DENND1A: variants seen among roughly 807,000 people sequenced by gnomAD.
DENND1A encodes DENN domain-containing protein 1A.
A neutral mutation model predicts 113.7 loss-of-function variants in DENND1A; 51 were observed. The observed-to-expected ratio is 0.45, with a 90% CI of 0.36 to 0.57. The LOEUF is 0.57. DENND1A is among the 20% of genes least tolerant of loss of function. The pLI is 0.00. For synonymous variants in DENND1A, 565 were observed against 570.8 expected (o/e 0.99, Z 0.14); for missense variants, 1,258 against 1,395.9 (o/e 0.90, Z 1.57).
At chr9:123,888,151 G>T (rs1399249593) in intron 1 of DENND1A, among the ~76,000 whole-genome samples, 1 of 152,132 alleles carries the variant, frequency 6.6e-6, no homozygotes, top group Non-Finnish European at 1.5e-5. Flanking sequence ...CTAAGACAGG[G>T]AACGTGCTAG....
At chr9:123,689,976 AAG>A (rs2065059830) in intron 5 of DENND1A, among the ~76,000 whole-genome samples, 2 of 150,094 alleles carry the variant, frequency 1.3e-5, no homozygotes, top group Non-Finnish European at 3.0e-5. Flanking sequence ...GTGACACAGC[AAG>A]AGTCTGTACC....
chr9:123,621,465 G>A (rs568031496), intron 10 of DENND1A, among the ~76,000 whole-genome samples: 1 of 152,300 alleles, frequency 6.6e-6, no homozygotes, highest in South Asian at 2.1e-4. Context: ...GGATATAGGT[G>A]TGAGCCACCA....
chr9:123,415,266 AGG>A (rs1469802078), intron 19 of DENND1A, among the ~76,000 whole-genome samples: 2 of 152,096 alleles, frequency 1.3e-5, no homozygotes, highest in Non-Finnish European at 2.9e-5. Context: ...TGTCGGCACG[AGG>A]GGATCCTGTC....
chr9:123,604,590 G>A (rs1005779439), intron 11 of DENND1A, among the ~76,000 whole-genome samples: 22 of 152,208 alleles, frequency 1.4e-4, no homozygotes. Context: ...CAGCTCTTAG[G>A]AAGAAAGCAA....
At chr9:123,489,148 A>C (rs2051146112) in intron 13 of DENND1A, among the ~76,000 whole-genome samples, 1 of 152,114 alleles carries the variant, frequency 6.6e-6, no homozygotes, top group Non-Finnish European at 1.5e-5. Flanking sequence ...AAAACCACAG[A>C]CCTAGCTCGA....
At chr9:123,524,623 A>G (rs1588977028) in intron 13 of DENND1A, among the ~76,000 whole-genome samples, 1 of 152,356 alleles carries the variant, frequency 6.6e-6, no homozygotes, top group Non-Finnish European at 1.5e-5. Context: ...GCAGGCTGCC[A>G]GTTTGACCTC....
chr9:123,615,521 T>C (rs897551867), intron 10 of DENND1A, among the ~76,000 whole-genome samples: 7 of 152,216 alleles, frequency 4.6e-5, no homozygotes, highest in African/African-American at 1.7e-4. Flanking sequence ...CCTCCCCTGC[T>C]ACCTTTTCCA....
At chr9:123,678,071 T>C (rs2140137390) in intron 5 of DENND1A, among the ~76,000 whole-genome samples, 1 of 152,288 alleles carries the variant, frequency 6.6e-6, no homozygotes. Flanking sequence ...CCCCACTTCA[T>C]GTGCCCTAAT....
At chr9:123,391,349 T>C (rs559815371) in intron 21 of DENND1A, among the ~76,000 whole-genome samples, 195 of 152,332 alleles carry the variant, frequency 1.3e-3, no homozygotes, top group African/African-American at 4.5e-3. Flanking sequence ...CCAGGCCACA[T>C]GGATGGCGAT....
chr9:123,384,841 G>A (rs1324185584), intron 22 of DENND1A, among the ~76,000 whole-genome samples: 7 of 152,078 alleles, frequency 4.6e-5, no homozygotes, highest in Non-Finnish European at 8.8e-5. Context: ...TCAGCTACTC[G>A]GGTGGCTGAG....
intron 19 of DENND1A, among the ~76,000 whole-genome samples, chr9:123,425,371 G>A (rs1006352179): frequency 1.3e-5 from 2 of 152,266 alleles, no homozygotes; most frequent in Admixed American, 6.5e-5. Flanking sequence ...GAGAAGCCCC[G>A]CTGTCACACC....
chr9:123,728,215 C>T (rs2067855801), intron 5 of DENND1A, among the ~76,000 whole-genome samples: 1 of 151,222 alleles, frequency 6.6e-6, no homozygotes, highest in Non-Finnish European at 1.5e-5. Flanking sequence ...CAGTGGCTCA[C>T]ACCTGTAATC....
At position 123,380,897 on chromosome 9, in the gene DENND1A, T is replaced by G. The variant is rs2130821421; in HGVS notation, c.*535A>C. On this transcript the variant is annotated 3_prime_UTR_variant, in exon 24 of 24. Transcript: ENST00000394215. ...TATATTGCTAGAAACAGTCTGGAAG[T>G]GCCCCACCAGGTAAATCCTCCAGCC... is the stretch of plus-strand genomic sequence containing the variant. 1 of 160,426 alleles carries G rather than the reference T, an allele frequency of 6.2e-6. No homozygotes were observed. Among genetic ancestry groups the G allele is most frequent in the South Asian group, 1.8e-4 (1 of 5,444 alleles). 9.9% of individuals were successfully genotyped at this position (160,426 alleles called of 1,614,324 possible). A position where few individuals can be genotyped will look rare whatever the true frequency, so the allele number is the denominator to read the frequency against.
chr9:123,585,563 C>G (rs1002693841), intron 11 of DENND1A, among the ~76,000 whole-genome samples: 1 of 152,222 alleles, frequency 6.6e-6, no homozygotes, highest in African/African-American at 2.4e-5. Context: ...GTCCAGGACT[C>G]TCTAGCTGGC....
chr9:123,407,992 T>C (rs1304072695), intron 20 of DENND1A, among the ~76,000 whole-genome samples: 1 of 152,196 alleles, frequency 6.6e-6, no homozygotes, highest in Non-Finnish European at 1.5e-5. Context: ...TGCTCTTTCT[T>C]TTTTCTTCTT....
At chr9:123,750,897 G>A (rs1263481360) in intron 5 of DENND1A, among the ~76,000 whole-genome samples, 1 of 152,162 alleles carries the variant, frequency 6.6e-6, no homozygotes. Context: ...ACAAGAATAG[G>A]AGATTCCATC....
intron 3 of DENND1A, among the ~76,000 whole-genome samples, chr9:123,780,839 G>A (rs1831206185): frequency 1.3e-5 from 2 of 152,256 alleles, no homozygotes; most frequent in Non-Finnish European, 2.9e-5. Context: ...GTAACAAGTG[G>A]AAAGGGACTG....
intron 13 of DENND1A, among the ~76,000 whole-genome samples, chr9:123,531,293 TTTCA>T (rs1174056250): frequency 6.6e-6 from 1 of 152,162 alleles, no homozygotes; most frequent in East Asian, 1.9e-4. Flanking sequence ...CCCACTCTGC[TTTCA>T]TTATTTTCCC....
At chr9:123,792,772 C>A (rs1218157311) in intron 2 of DENND1A, 142 bp from the exon 3 acceptor site, 5 of 781,612 alleles carry the variant, frequency 6.4e-6, no homozygotes, top group Non-Finnish European at 7.9e-6. Context: ...TGTTGATGAG[C>A]ACAAGGAAGG....
Sources: allele counts gnomAD v4.1 joint callset (sites outside exome capture counted in the v4.1 genomes callset), GRCh38; gene constraint gnomAD v4.1.1; transcripts MANE v1.5; gene names NCBI Gene and HGNC (gene_info 2026-07-23, HGNC 2026-07-21).